The following GPHN variants were observed in gnomAD, a reference collection of about 807,000 sequenced individuals.
GPHN encodes the protein gephyrin.
Under a neutral mutation model 95.5 loss-of-function variants are expected in GPHN, and 17 were observed. The observed-to-expected ratio is 0.18, with a 90% confidence interval of 0.12 to 0.27. The LOEUF is 0.27. GPHN is among the 10% of genes least tolerant of loss of function. The probability of loss-of-function intolerance (pLI) is 1.00; values close to 1 mark genes in which losing one functional copy is unlikely to be tolerated. For missense variants in GPHN, 660 were observed against 978.1 expected, an observed-to-expected ratio of 0.67 and a Z score of 4.34; for synonymous variants, 320 against 322.5, an observed-to-expected ratio of 0.99 and a Z score of 0.08.
the GPHN span, among the ~76,000 whole-genome samples, chr14:67,269,357 G>C: frequency 6.6e-6 from 1 of 151,762 alleles, no homozygotes; most frequent in Non-Finnish European, 1.5e-5. Context: ...GTGTGTAGAT[G>C]TATGATTTTA....
At chr14:66,993,553 C>T (rs1224717452) in intron 9 of GPHN, among the ~76,000 whole-genome samples, 1 of 152,144 alleles carries the variant, frequency 6.6e-6, no homozygotes, top group Non-Finnish European at 1.5e-5. Flanking sequence ...CACCTAAAAT[C>T]ATATACCTTC....
intron 1 of GPHN, among the ~76,000 whole-genome samples, chr14:66,639,431 T>C (rs2064275442): frequency 6.6e-6 from 1 of 152,154 alleles, no homozygotes; most frequent in African/African-American, 2.4e-5. Context: ...CTCTGGTTCA[T>C]ACATGACAAT....
the GPHN span, among the ~76,000 whole-genome samples, chr14:67,504,141 G>A: frequency 6.6e-6 from 1 of 152,084 alleles, no homozygotes; most frequent in African/African-American, 2.4e-5. Flanking sequence ...AACCTCCTGA[G>A]TAGCTGGGAT....
rs140468945 is a variant in GPHN, at chr14:66,659,906, T to A, written c.65-21201T>A. ...TTGGTGTATTTACACCATTTACATT[T>A]ATATAATTAATTATCTGTAGGAGCT... On this transcript the variant is annotated intron_variant, in intron 1 of 22. Transcript: ENST00000478722. Among the ~76,000 whole-genome samples the A allele has an allele frequency of 1.2e-4, 19 of 152,226 alleles. No homozygotes were observed. The East Asian group carries it at 3.7e-3, about 29-fold the overall frequency.
chr14:67,266,220 T>C, the GPHN span, among the ~76,000 whole-genome samples: 1 of 152,216 alleles, frequency 6.6e-6, no homozygotes, highest in Non-Finnish European at 1.5e-5. Flanking sequence ...AGTTCTGTAA[T>C]GTAAGAACTC....
chr14:66,801,743 T>C (rs572141239), intron 3 of GPHN, among the ~76,000 whole-genome samples: 68 of 149,258 alleles, frequency 4.6e-4, no homozygotes, highest in African/African-American at 1.6e-3. Flanking sequence ...AGCACAATAT[T>C]GGGTCTTGCT....
the GPHN span, chr14:67,659,976 G>A: frequency 6.5e-7 from 1 of 1,544,742 alleles, no homozygotes; most frequent in Non-Finnish European, 8.8e-7. Flanking sequence ...TCACTCATTT[G>A]GAAATATGCC....
intron 1 of GPHN, among the ~76,000 whole-genome samples, chr14:66,556,317 T>TG (rs1016156804): frequency 1.3e-5 from 2 of 152,194 alleles, no homozygotes; most frequent in African/African-American, 4.8e-5. Context: ...ATGTAGTTGA[T>TG]GGTCAGTACA....
chr14:67,690,490 G>C, the GPHN span: 4 of 1,323,156 alleles, frequency 3.0e-6, no homozygotes, highest in African/African-American at 1.5e-5. Context: ...TGGTGAGCAG[G>C]CCTCACCTAT....
the GPHN span, among the ~76,000 whole-genome samples, chr14:67,603,493 C>CT: frequency 6.6e-6 from 1 of 152,140 alleles, no homozygotes; most frequent in Non-Finnish European, 1.5e-5. Context: ...CTCTAAAATC[C>CT]TTTTTCTTTT....
chr14:66,583,347 C>G (rs2061279695), intron 1 of GPHN, among the ~76,000 whole-genome samples: 1 of 152,122 alleles, frequency 6.6e-6, no homozygotes, highest in Non-Finnish European at 1.5e-5. Flanking sequence ...CCTGTTCACT[C>G]TGATGGTAGT....
At chr14:66,783,912 T>G (rs1018280091) in intron 3 of GPHN, among the ~76,000 whole-genome samples, 2 of 152,078 alleles carry the variant, frequency 1.3e-5, no homozygotes, top group African/African-American at 2.4e-5. Flanking sequence ...ATGGGGGACA[T>G]CTGCTAAAAA....
chr14:67,310,814 T>C, the GPHN span, among the ~76,000 whole-genome samples: 1 of 152,174 alleles, frequency 6.6e-6, no homozygotes, highest in Non-Finnish European at 1.5e-5. Context: ...AAAAATTTTT[T>C]AAAAAGCCAT....
At chr14:67,184,651 T>C (rs1347840486), downstream of GPHN, among the ~76,000 whole-genome samples, 1 of 151,266 alleles carries the variant, frequency 6.6e-6, no homozygotes, top group Non-Finnish European at 1.5e-5. Context: ...TATGGAGGAG[T>C]TGAGTTTGGG....
At chr14:67,655,794 A>T in the GPHN span, among the ~76,000 whole-genome samples, 2 of 152,226 alleles carry the variant, frequency 1.3e-5, no homozygotes, top group Non-Finnish European at 2.9e-5. Flanking sequence ...GAGAGAATGC[A>T]GCCACTTTAT....
the GPHN span, among the ~76,000 whole-genome samples, chr14:67,422,977 A>G: frequency 1.6e-4 from 24 of 151,958 alleles, no homozygotes; most frequent in African/African-American, 5.6e-4. Context: ...GATTACAGGC[A>G]TGCGCCACCA....
chr14:67,034,965 A>T (rs912632811), intron 10 of GPHN, among the ~76,000 whole-genome samples: 3 of 152,116 alleles, frequency 2.0e-5, no homozygotes, highest in Non-Finnish European at 4.4e-5. Flanking sequence ...TAAAATACAC[A>T]TTCTTTCCTA....
At chr14:66,819,628 C>CT in intron 3 of GPHN, among the ~76,000 whole-genome samples, 1 of 150,570 alleles carries the variant, frequency 6.6e-6, no homozygotes, top group East Asian at 1.9e-4. Context: ...TTGTTTTTTG[C>CT]TTTTGTTTTT....
At chr14:67,061,390 C>G (rs2075818859) in intron 11 of GPHN, among the ~76,000 whole-genome samples, 1 of 152,076 alleles carries the variant, frequency 6.6e-6, no homozygotes, top group Admixed American at 6.6e-5. Flanking sequence ...CTCCCCTCCC[C>G]CCAGTTAACA....
Sources: gnomAD v4.1 joint callset for allele counts (sites outside exome capture counted in the v4.1 genomes callset) on GRCh38, gnomAD v4.1.1 for gene constraint, MANE v1.5 for transcripts, NCBI Gene and HGNC (gene_info 2026-07-23, HGNC 2026-07-21) for gene names.